Variants in LHFPL3 observed in about 807,000 individuals in gnomAD.
The protein encoded by LHFPL3 is LHFPL tetraspan subfamily member 3 protein.
LHFPL3 carries 5 observed loss-of-function variants against 19.3 expected under a neutral mutation model. The observed-to-expected ratio is 0.26, with a 90% confidence interval of 0.14 to 0.54. The LOEUF (loss-of-function observed/expected upper bound fraction) is 0.54. LHFPL3 is among the 20% of genes least tolerant of loss of function. LHFPL3 has a pLI of 0.94. For synonymous variants in LHFPL3, 133 were observed against 126.2 expected (o/e 1.05, Z -0.36); for missense variants, 249 against 307.4 (o/e 0.81, Z 1.42).
chr7:104,596,755 T>C (rs947962392), intron 1 of LHFPL3, among the ~76,000 whole-genome samples: 1 of 152,240 alleles, frequency 6.6e-6, no homozygotes. Flanking sequence ...ATTCCTCAGC[T>C]TGGCCAGCTT....
rs1791009289 is a variant in LHFPL3, at chr7:104,603,102, CT to C, written c.446-133570del. On this transcript the variant is annotated intron_variant, in intron 1 of 2. Transcript: ENST00000424859. ...TCTTTCTTTCTTTCTTTCTTTCTTTCTTTCTTTCTTTCTTTCTTTCTTTCTT... is the reference window on the plus strand; with the variant it reads ...TCTTTCTTTCTTTCTTTCTTTCTTTCTTCTTTCTTTCTTTCTTTCTTTCTT... Among the ~76,000 whole-genome samples, 4 of 135,866 alleles carry C rather than the reference CT, an allele frequency of 2.9e-5. No homozygotes were observed. In the South Asian group the frequency reaches 1.0e-3, roughly 34 times the overall value. The allele number at this position is 135,866 out of a possible 152,430, so 89.1% of individuals were successfully genotyped here.
intron 1 of LHFPL3, among the ~76,000 whole-genome samples, chr7:104,363,332 C>T (rs1163338004): frequency 6.6e-6 from 1 of 152,186 alleles, no homozygotes; most frequent in Non-Finnish European, 1.5e-5. Flanking sequence ...AAGAATACAG[C>T]CTCTTTCTCT....
rs1371414424 is a variant in LHFPL3 at position 104,561,763 on chromosome 7, G to A, written c.446-174912G>A. Among the ~76,000 whole-genome samples, 32 of 152,236 alleles carry A rather than the reference G, an allele frequency of 2.1e-4. No homozygotes were observed. In the East Asian group the frequency reaches 5.8e-3, roughly 28 times the overall value. Reference sequence around the variant, plus strand: ...GTTATTTTGCTCGTTAGTTGATGCAGTTTCTTCCTAGTCTCGATTGTCTTT... The same window carrying A: ...GTTATTTTGCTCGTTAGTTGATGCAATTTCTTCCTAGTCTCGATTGTCTTT... On this transcript the variant is annotated intron_variant, in intron 1 of 2. Coordinates refer to ENST00000424859, the MANE Select transcript of LHFPL3 (RefSeq NM_199000.3).
chr7:104,709,945 T>A (rs1793269149), intron 1 of LHFPL3, among the ~76,000 whole-genome samples: 1 of 152,010 alleles, frequency 6.6e-6, no homozygotes, highest in Non-Finnish European at 1.5e-5. Flanking sequence ...GGCTGCAATC[T>A]GGGCACTTTG....
chr7:104,760,931 G>GA (rs11451788), intron 2 of LHFPL3, among the ~76,000 whole-genome samples: 46,446 of 91,020 alleles, frequency 0.51, 7,806 homozygotes, highest in East Asian at 0.74. Flanking sequence ...TATCACATCA[G>GA]AAAAAAAAAA....
At chr7:104,635,440 T>C (rs1039766491) in intron 1 of LHFPL3, among the ~76,000 whole-genome samples, 5 of 152,198 alleles carry the variant, frequency 3.3e-5, no homozygotes, top group African/African-American at 1.2e-4. Context: ...AGAGAACAGA[T>C]GGGCAAAATG....
chr7:104,708,845 A>G (rs1253623313), intron 1 of LHFPL3, among the ~76,000 whole-genome samples: 1 of 152,110 alleles, frequency 6.6e-6, no homozygotes, highest in African/African-American at 2.4e-5. Flanking sequence ...CAGCAGTTAC[A>G]CTGGATACCT....
chr7:104,634,549 G>C (rs569015079), intron 1 of LHFPL3, among the ~76,000 whole-genome samples: 2 of 152,310 alleles, frequency 1.3e-5, no homozygotes, highest in South Asian at 4.1e-4. Flanking sequence ...AGAGGAAAGA[G>C]TGTTAGACTT....
chr7:104,450,738 GA>G (rs1037445300), intron 1 of LHFPL3, among the ~76,000 whole-genome samples: 54 of 150,714 alleles, frequency 3.6e-4, no homozygotes, highest in Non-Finnish European at 7.1e-4. Flanking sequence ...CAAAAACACT[GA>G]AAAAAAACTA....
At chr7:104,579,665 A>G (rs982263836) in intron 1 of LHFPL3, among the ~76,000 whole-genome samples, 1 of 152,160 alleles carries the variant, frequency 6.6e-6, no homozygotes, top group Non-Finnish European at 1.5e-5. Context: ...TGTATTTTGT[A>G]GATATCTAAA....
chr7:104,377,088 C>A (rs1179927770), intron 1 of LHFPL3, among the ~76,000 whole-genome samples: 7 of 152,192 alleles, frequency 4.6e-5, no homozygotes, highest in Non-Finnish European at 1.0e-4. Context: ...TCCATTAGGT[C>A]TGCAGGAAGG....
intron 1 of LHFPL3, among the ~76,000 whole-genome samples, chr7:104,691,949 G>C (rs1416898286): frequency 6.6e-6 from 1 of 152,246 alleles, no homozygotes; most frequent in African/African-American, 2.4e-5. Context: ...ATGAAGTCAG[G>C]CTGATGTGAT....
chr7:104,350,905 T>A (rs1790160752), intron 1 of LHFPL3, among the ~76,000 whole-genome samples: 1 of 152,062 alleles, frequency 6.6e-6, no homozygotes, highest in Admixed American at 6.5e-5. Context: ...CTGAGAGTGG[T>A]GGCTTACGCC....
At chr7:104,876,934 T>C (rs1406936893) in intron 2 of LHFPL3, among the ~76,000 whole-genome samples, 1 of 152,178 alleles carries the variant, frequency 6.6e-6, no homozygotes, top group Non-Finnish European at 1.5e-5. Context: ...CACCATGGAA[T>C]ACTATGCAGC....
intron 1 of LHFPL3, among the ~76,000 whole-genome samples, chr7:104,458,068 C>T (rs1792582552): frequency 1.3e-5 from 2 of 151,096 alleles, no homozygotes; most frequent in Admixed American, 1.3e-4. Flanking sequence ...TGTAGGTTGC[C>T]TGTTCACTCT....
chr7:104,769,702 A>T (rs1562987585), intron 2 of LHFPL3, among the ~76,000 whole-genome samples: 1 of 151,724 alleles, frequency 6.6e-6, no homozygotes, highest in Non-Finnish European at 1.5e-5. Flanking sequence ...GAGTGAGAAC[A>T]TGCGGTGTTT....
chr7:104,876,445 C>A (rs1156987139), intron 2 of LHFPL3, among the ~76,000 whole-genome samples: 1 of 151,824 alleles, frequency 6.6e-6, no homozygotes, highest in Non-Finnish European at 1.5e-5. Context: ...AAAAAACAAC[C>A]CCATCAAAAA....
At position 104,576,640 on chromosome 7, in the gene LHFPL3, T is replaced by TTTTG. The variant is rs896062075; in HGVS notation, c.446-160019_446-160016dup. Among the ~76,000 whole-genome samples, 5 of 152,086 alleles carry TTTTG rather than the reference T, an allele frequency of 3.3e-5. No homozygotes were observed. In the South Asian group the frequency reaches 8.3e-4, roughly 25 times the overall value. On this transcript the variant is annotated intron_variant, in intron 1 of 2. Coordinates refer to ENST00000424859, the MANE Select transcript of LHFPL3 (RefSeq NM_199000.3). ...TGTCCTGTCTGAGAGAGTTGGGTTT[T>TTTTG]TTTGTTTGTTTGTTTGTTTTGTTTT...
At chr7:104,506,052 CTG>C (rs1290181495) in intron 1 of LHFPL3, among the ~76,000 whole-genome samples, 1 of 150,706 alleles carries the variant, frequency 6.6e-6, no homozygotes, top group East Asian at 1.9e-4. Context: ...GAGTCTCACT[CTG>C]TCGCCAGGCT....
Sources: allele counts gnomAD v4.1 joint callset (sites outside exome capture counted in the v4.1 genomes callset), GRCh38; gene constraint gnomAD v4.1.1; transcripts MANE v1.5; gene names NCBI Gene and HGNC (gene_info 2026-07-23, HGNC 2026-07-21).